The following MTPAP variants were observed in gnomAD, a reference collection of about 807,000 sequenced individuals.
The protein encoded by MTPAP is poly(A) RNA polymerase, mitochondrial.
A neutral mutation model predicts 48.7 loss-of-function variants in MTPAP; 23 were observed. The ratio of observed to expected loss-of-function variants is 0.47; its 90% CI spans 0.34 to 0.67. The LOEUF is 0.67. Ranked by LOEUF, MTPAP falls within the 30% of genes least tolerant of loss-of-function variation. MTPAP has a pLI of 0.01. For synonymous variants in MTPAP, 257 were observed against 254.1 expected, an observed-to-expected ratio of 1.01 and a Z score of -0.11; for missense variants, 614 against 694.3, an observed-to-expected ratio of 0.88 and a Z score of 1.30.
Position 30,340,415 on chromosome 10 carries a change from T to C in MTPAP, c.366A>G (p.Glu122=), listed in dbSNP as rs751480057. 3 of 1,614,146 alleles carry C rather than the reference T, an allele frequency of 1.9e-6. No individual in the cohort carries two copies. Among genetic ancestry groups the C allele is most frequent in the South Asian group, 1.1e-5 (1 of 91,074 alleles). The change falls in exon 3 of 9, where the codon GAA becomes GAG. Residue 122 remains glutamate (E), a synonymous_variant. Transcript: ENST00000263063. ...TCCCATTCTGCAGTGAACCTATGCT[T>C]TCCTTTTGGCAAAATTCTACGACAG... The part of the protein sequence containing the change: ...LYAVVEFCQK[E]SIGSLQNGTH...
intron 8 of MTPAP, among the ~76,000 whole-genome samples, chr10:30,314,884 C>CA (rs34249388): frequency 6.3e-5 from 7 of 110,744 alleles, no homozygotes; most frequent in East Asian, 2.6e-4. Flanking sequence ...AAAACAAAAA[C>CA]AAAAAAAAAA....
intron 6 of MTPAP, among the ~76,000 whole-genome samples, chr10:30,320,242 A>G (rs1840706004): frequency 6.6e-6 from 1 of 152,200 alleles, no homozygotes; most frequent in Admixed American, 6.5e-5. Flanking sequence ...CAGCCTGCCT[A>G]CAAGGTAGAG....
intron 6 of MTPAP, among the ~76,000 whole-genome samples, chr10:30,320,991 A>G (rs1269320674): frequency 6.6e-6 from 1 of 152,144 alleles, no homozygotes. Context: ...AGATCTGCCC[A>G]TATCTTATGT....
At chr10:30,349,098 A>T in intron 1 of MTPAP, 21 bp downstream of exon 1, 1 of 1,613,366 alleles carries the variant, frequency 6.2e-7, no homozygotes. Context: ...ACGGAACTAC[A>T]GGGCAAACCG....
Position 30,313,441 on chromosome 10 carries a change from G to C in MTPAP, c.*168C>G, listed in dbSNP as rs1335961579. 4 of 946,408 alleles carry C rather than the reference G, an allele frequency of 4.2e-6. No homozygotes were observed. The highest frequency in any genetic ancestry group is 4.2e-5 in the Admixed American group (2 of 48,168). 58.6% of individuals were successfully genotyped at this position (946,408 alleles called of 1,614,324 possible). ...CACTGAGTATCAGACTGATCAAACT[G>C]AAAACATCCCAGAACTTCAGACCAG... On this transcript the variant is annotated 3_prime_UTR_variant, in exon 9 of 9. Transcript: ENST00000263063.
Position 30,313,518 on chromosome 10 carries a change from A to C in MTPAP, c.*91T>G. ...GAAAAGTGACATCAGATGAAAGCTG[A>C]GATCTGTGAAAGTTTCAAATCAGTT... On this transcript the variant is annotated 3_prime_UTR_variant, in exon 9 of 9. Transcript: ENST00000263063. 2 of 1,520,798 alleles carry C rather than the reference A, an allele frequency of 1.3e-6. No homozygotes were observed. Among genetic ancestry groups the C allele is most frequent in the Non-Finnish European group, 1.8e-6 (2 of 1,101,792 alleles). The allele number at this position is 1,520,798 out of a possible 1,614,324, so 94.2% of individuals were successfully genotyped here.
chr10:30,346,224 A>T (rs530146268), intron 1 of MTPAP, among the ~76,000 whole-genome samples: 1 of 152,294 alleles, frequency 6.6e-6, no homozygotes, highest in African/African-American at 2.4e-5. Flanking sequence ...ATGAATTCAT[A>T]TAAAGAACTT....
intron 4 of MTPAP, among the ~76,000 whole-genome samples, chr10:30,328,096 C>T (rs952137233): frequency 1.3e-5 from 2 of 152,032 alleles, no homozygotes; most frequent in Non-Finnish European, 2.9e-5. Flanking sequence ...ATCATACAAA[C>T]GGGTAATTTA....
chr10:30,334,642 C>T (rs1197547978), intron 4 of MTPAP, among the ~76,000 whole-genome samples: 1 of 152,022 alleles, frequency 6.6e-6, no homozygotes, highest in Admixed American at 6.6e-5. Context: ...GCCTGGGTGA[C>T]CGAGTGAAGC....
intron 4 of MTPAP, 28 bp downstream of exon 4, chr10:30,336,775 T>C (rs1834734763): frequency 6.7e-7 from 1 of 1,502,758 alleles, no homozygotes; most frequent in South Asian, 1.1e-5. Context: ...CTTTACATGA[T>C]TATAGTGGTC....
At chr10:30,329,944 A>C (rs1834645693) in intron 4 of MTPAP, among the ~76,000 whole-genome samples, 1 of 151,208 alleles carries the variant, frequency 6.6e-6, no homozygotes. Context: ...ATTATCGGTA[A>C]AGATTATGTT....
chr10:30,345,966 A>G (rs182536496), intron 1 of MTPAP, among the ~76,000 whole-genome samples: 1 of 151,272 alleles, frequency 6.6e-6, no homozygotes, highest in East Asian at 2.0e-4. Context: ...GAGAATCGCT[A>G]GAAGGCAGAG....
chr10:30,315,855 C>A, intron 8 of MTPAP, 108 bp downstream of exon 8: 3 of 1,236,550 alleles, frequency 2.4e-6, no homozygotes, highest in East Asian at 5.1e-5. Flanking sequence ...CAAATTACTA[C>A]ACAAAAGAAA....
Position 30,336,926 on chromosome 10 carries a change from G to A in MTPAP, c.657C>T (p.Ala219=), listed in dbSNP as rs141852492. The A allele has an allele frequency of 1.6e-5, 26 of 1,613,378 alleles. No individual in the cohort carries two copies. Among genetic ancestry groups the A allele is most frequent in the East Asian group, 4.5e-5 (2 of 44,876 alleles). ...LTCSLIEDMA[A]AYFPDCIVRP... ...TGACTATGCAGTCTGGAAAATACGC[G>A]GCGGCCATGTCTTCAATAAGAGAAC... The change falls in exon 4 of 9, where the codon GCC becomes GCT. Residue 219 remains alanine (A), a synonymous_variant. Coordinates refer to ENST00000263063, the MANE Select transcript of MTPAP (RefSeq NM_018109.4).
At chr10:30,343,306 T>C (rs1253633969) in intron 1 of MTPAP, among the ~76,000 whole-genome samples, 2 of 150,844 alleles carry the variant, frequency 1.3e-5, no homozygotes, top group Non-Finnish European at 3.0e-5. Flanking sequence ...CCCGGTTACT[T>C]GGGAGGCTGA....
At chr10:30,339,452 C>A (rs2132866551) in intron 3 of MTPAP, among the ~76,000 whole-genome samples, 1 of 144,866 alleles carries the variant, frequency 6.9e-6, no homozygotes, top group South Asian at 2.2e-4. Flanking sequence ...CACTGCACTC[C>A]AGCCTGGGCA....
chr10:30,340,033 G>C, intron 3 of MTPAP, 193 bp downstream of exon 3: 1 of 605,782 alleles, frequency 1.7e-6, no homozygotes, highest in Non-Finnish European at 2.9e-6. Flanking sequence ...TAGAAAGCTA[G>C]AAATAGAAAA....
chr10:30,335,910 G>A (rs1834725469), intron 4 of MTPAP, among the ~76,000 whole-genome samples: 1 of 152,136 alleles, frequency 6.6e-6, no homozygotes, highest in South Asian at 2.1e-4. Flanking sequence ...TCAGGAGGCT[G>A]AGGCAGGAGA....
chr10:30,340,179 T>C, intron 3 of MTPAP, 47 bp downstream of exon 3: 1 of 1,439,764 alleles, frequency 6.9e-7, no homozygotes, highest in East Asian at 2.3e-5. Context: ...TTATTGTTCA[T>C]AAAAAAATAC....
Sources: gnomAD v4.1 joint callset for allele counts (sites outside exome capture counted in the v4.1 genomes callset) on GRCh38, gnomAD v4.1.1 for gene constraint, MANE v1.5 for transcripts, NCBI Gene and HGNC (gene_info 2026-07-23, HGNC 2026-07-21) for gene names.